AOPEP: variants seen among roughly 807,000 people sequenced by gnomAD.
AOPEP encodes the protein aminopeptidase O.
In AOPEP, 77 loss-of-function variants were observed where a neutral mutation model predicts 98.1. That is an observed-to-expected ratio of 0.78 (90% CI 0.65 to 0.95). The LOEUF (loss-of-function observed/expected upper bound fraction) is 0.95, where lower values mean the gene tolerates loss of function less well. Among genes scored for constraint, AOPEP ranks in the 40% least tolerant of loss-of-function variants. The pLI is 0.00. For synonymous variants in AOPEP, 346 were observed against 365.3 expected (o/e 0.95, Z 0.60); for missense variants, 1,024 against 1,024.7 (o/e 1.00, Z 0.01).
intron 5 of AOPEP, among the ~76,000 whole-genome samples, chr9:94,832,956 C>CA (rs2041064964): frequency 6.9e-6 from 1 of 144,560 alleles, no homozygotes; most frequent in Non-Finnish European, 1.5e-5. Context: ...TTTTTGGTGA[C>CA]AGAGTCTCGC....
chr9:94,836,640 C>G (rs1007390713), intron 5 of AOPEP, among the ~76,000 whole-genome samples: 2 of 152,136 alleles, frequency 1.3e-5, no homozygotes, highest in East Asian at 1.9e-4. Flanking sequence ...TTTCTCCCAG[C>G]CTGTAGCTTG....
At chr9:95,106,700 G>A in the AOPEP span, among the ~76,000 whole-genome samples, 3 of 152,132 alleles carry the variant, frequency 2.0e-5, no homozygotes, top group African/African-American at 7.2e-5. Flanking sequence ...GTTGCTTTGC[G>A]AGCCCATTCT....
At chr9:95,124,333 C>T in the AOPEP span, among the ~76,000 whole-genome samples, 2 of 152,016 alleles carry the variant, frequency 1.3e-5, no homozygotes, top group Non-Finnish European at 2.9e-5. Flanking sequence ...CTTCTGTGGC[C>T]GTTAGAAATC....
chr9:94,758,029 C>A (rs1478543985), intron 1 of AOPEP, among the ~76,000 whole-genome samples: 1 of 152,226 alleles, frequency 6.6e-6, no homozygotes, highest in Non-Finnish European at 1.5e-5. Context: ...CTGTTCTTTG[C>A]AACCTTGTTT....
At chr9:94,844,887 A>C (rs2042673411) in intron 5 of AOPEP, among the ~76,000 whole-genome samples, 1 of 152,166 alleles carries the variant, frequency 6.6e-6, no homozygotes, top group Non-Finnish European at 1.5e-5. Context: ...GCCAGGGTAC[A>C]AGTTACCTGA....
intron 5 of AOPEP, among the ~76,000 whole-genome samples, chr9:94,849,326 T>C (rs1255529905): frequency 1.3e-5 from 2 of 152,212 alleles, no homozygotes; most frequent in Non-Finnish European, 2.9e-5. Flanking sequence ...TGAGATAATG[T>C]ATGTAAGGCA....
At chr9:94,850,258 T>TTTTAA (rs1371577351) in intron 5 of AOPEP, among the ~76,000 whole-genome samples, 4 of 1,954 alleles carry the variant, frequency 2.0e-3, no homozygotes. Context: ...AAGACATAGA[T>TTTTAA]TTTAAATTAT....
chr9:94,877,122 T>G (rs1467295910), intron 5 of AOPEP, among the ~76,000 whole-genome samples: 2 of 152,180 alleles, frequency 1.3e-5, no homozygotes, highest in African/African-American at 4.8e-5. Flanking sequence ...TCCTAGGAGC[T>G]GTTATGGGAA....
chr9:94,810,937 A>AGTG (rs1850436136), intron 5 of AOPEP, among the ~76,000 whole-genome samples: 1 of 152,170 alleles, frequency 6.6e-6, no homozygotes, highest in Non-Finnish European at 1.5e-5. Flanking sequence ...CTCCATCAGG[A>AGTG]GTGGGTTCCA....
intron 1 of AOPEP, among the ~76,000 whole-genome samples, chr9:94,758,061 A>C (rs1207425895): frequency 6.6e-6 from 1 of 152,210 alleles, no homozygotes; most frequent in African/African-American, 2.4e-5. Flanking sequence ...TATTGCACTG[A>C]AAGTGTGCTA....
intron 5 of AOPEP, among the ~76,000 whole-genome samples, chr9:94,831,236 T>C (rs979979934): frequency 5.9e-5 from 9 of 152,176 alleles, no homozygotes; most frequent in African/African-American, 2.2e-4. Flanking sequence ...TTATAAGATG[T>C]TAAGGAAGGG....
intron 5 of AOPEP, among the ~76,000 whole-genome samples, chr9:94,830,663 C>G (rs1164142974): frequency 6.6e-6 from 1 of 152,244 alleles, no homozygotes; most frequent in African/African-American, 2.4e-5. Flanking sequence ...AATTTACACT[C>G]TCACCAAGTG....
the AOPEP span, among the ~76,000 whole-genome samples, chr9:95,149,450 T>C: frequency 6.6e-6 from 1 of 151,166 alleles, no homozygotes; most frequent in Non-Finnish European, 1.5e-5. Context: ...AAGTTAAAAA[T>C]AAAAAAATAA....
At chr9:94,730,156 C>T (rs1015681542) in intron 1 of AOPEP, among the ~76,000 whole-genome samples, 6 of 151,864 alleles carry the variant, frequency 4.0e-5, no homozygotes, top group East Asian at 1.9e-4. Context: ...TGGTGGCGGG[C>T]GCCTATAGTC....
intron 13 of AOPEP, among the ~76,000 whole-genome samples, chr9:95,031,547 C>T (rs2064300744): frequency 6.6e-6 from 1 of 152,208 alleles, no homozygotes; most frequent in South Asian, 2.1e-4. Context: ...AAGAGCCCAG[C>T]TCTGCCAATG....
chr9:94,776,268 C>G (rs1842069889), intron 3 of AOPEP, among the ~76,000 whole-genome samples: 1 of 152,012 alleles, frequency 6.6e-6, no homozygotes, highest in African/African-American at 2.4e-5. Context: ...TATTTTGTAA[C>G]AGAGCGTAAA....
chr9:94,884,782 C>T (rs544292105), intron 5 of AOPEP, among the ~76,000 whole-genome samples: 69 of 145,790 alleles, frequency 4.7e-4, no homozygotes, highest in African/African-American at 1.6e-3. Flanking sequence ...GAGGCCGAGG[C>T]GGGCGGATCA....
chr9:94,822,394 TTTTG>T (rs1853444312), intron 5 of AOPEP, among the ~76,000 whole-genome samples: 1 of 152,192 alleles, frequency 6.6e-6, no homozygotes. Flanking sequence ...TAAGGAAGTT[TTTTG>T]TTTGTTTTGT....
chr9:95,098,350 C>T, the AOPEP span, among the ~76,000 whole-genome samples: 1 of 152,246 alleles, frequency 6.6e-6, no homozygotes, highest in South Asian at 2.1e-4. Context: ...TCTGTCCTAG[C>T]TCCCATTTCT....
Sources: allele counts gnomAD v4.1 joint callset (sites outside exome capture counted in the v4.1 genomes callset), GRCh38; gene constraint gnomAD v4.1.1; transcripts MANE v1.5; gene names NCBI Gene and HGNC (gene_info 2026-07-23, HGNC 2026-07-21).